KCNQ5: variants seen among roughly 807,000 people sequenced by gnomAD.
The protein encoded by KCNQ5 is potassium voltage-gated channel subfamily KQT member 5.
In KCNQ5, 30 loss-of-function variants were observed where a neutral mutation model predicts 98.2. The observed-to-expected ratio is 0.31, with a 90% CI of 0.23 to 0.41. The LOEUF (loss-of-function observed/expected upper bound fraction) is 0.41, where lower values mean the gene tolerates loss of function less well. Among genes scored for constraint, KCNQ5 ranks in the 10% least tolerant of loss-of-function variants. The pLI is 1.00. For synonymous variants in KCNQ5, 458 were observed against 449.4 expected (o/e 1.02, Z -0.24); for missense variants, 835 against 1,182.5 (o/e 0.71, Z 4.31).
intron 1 of KCNQ5, among the ~76,000 whole-genome samples, chr6:72,633,303 G>A (rs2098922108): frequency 6.6e-6 from 1 of 152,058 alleles, no homozygotes; most frequent in Non-Finnish European, 1.5e-5. Context: ...ATTTGTTTAA[G>A]TTCATAGACT....
At chr6:72,723,852 T>C (rs1369689625) in intron 1 of KCNQ5, among the ~76,000 whole-genome samples, 2 of 152,184 alleles carry the variant, frequency 1.3e-5, no homozygotes, top group African/African-American at 2.4e-5. Flanking sequence ...CTTCATGCTA[T>C]TTTAGTGCAG....
At chr6:72,955,410 C>T (rs1053861055) in intron 1 of KCNQ5, among the ~76,000 whole-genome samples, 6 of 152,144 alleles carry the variant, frequency 3.9e-5, no homozygotes, top group African/African-American at 1.4e-4. Context: ...AACTAGATTA[C>T]TTTGATATAT....
At chr6:72,903,624 T>G (rs1046407435) in intron 1 of KCNQ5, among the ~76,000 whole-genome samples, 2 of 152,182 alleles carry the variant, frequency 1.3e-5, no homozygotes, top group African/African-American at 4.8e-5. Flanking sequence ...TCAATTTCCA[T>G]GTATTTGCAT....
intron 1 of KCNQ5, among the ~76,000 whole-genome samples, chr6:72,737,829 CAGAGG>C (rs1770925699): frequency 6.6e-6 from 1 of 151,884 alleles, no homozygotes; most frequent in South Asian, 2.1e-4. Flanking sequence ...GGTAGAAGGA[CAGAGG>C]AGAGGAAAGG....
chr6:72,731,492 T>A (rs535766692), intron 1 of KCNQ5, among the ~76,000 whole-genome samples: 29 of 152,368 alleles, frequency 1.9e-4, no homozygotes, highest in Non-Finnish European at 3.5e-4. Context: ...TGGGACTAAC[T>A]AACGCATCTG....
At chr6:72,791,964 A>C (rs1774073826) in intron 1 of KCNQ5, among the ~76,000 whole-genome samples, 1 of 152,188 alleles carries the variant, frequency 6.6e-6, no homozygotes, top group Non-Finnish European at 1.5e-5. Context: ...TTTTCAACAC[A>C]TGAACTTTGG....
chr6:72,787,313 A>C (rs899958570), intron 1 of KCNQ5, among the ~76,000 whole-genome samples: 1 of 152,240 alleles, frequency 6.6e-6, no homozygotes, highest in Non-Finnish European at 1.5e-5. Flanking sequence ...AGTATTATCT[A>C]TAACTGCTTT....
chr6:73,083,075 G>T (rs377029857), intron 5 of KCNQ5, among the ~76,000 whole-genome samples: 2 of 151,824 alleles, frequency 1.3e-5, no homozygotes, highest in Non-Finnish European at 1.5e-5. Flanking sequence ...CTAATTTTTT[G>T]AAGAAAAGGG....
At chr6:73,193,464 A>AAAAATAAAAT (rs397976608) in intron 13 of KCNQ5, among the ~76,000 whole-genome samples, 19,177 of 126,538 alleles carry the variant, frequency 0.15, 1,683 homozygotes, top group Middle Eastern at 0.23. Flanking sequence ...TGTCTCTACT[A>AAAAATAAAAT]AAAATAAAAT....
At chr6:73,111,823 C>T (rs1289492662) in intron 7 of KCNQ5, among the ~76,000 whole-genome samples, 1 of 152,100 alleles carries the variant, frequency 6.6e-6, no homozygotes, top group Non-Finnish European at 1.5e-5. Context: ...TAAAGAACAA[C>T]ATATTTGTTT....
At position 73,198,826 on chromosome 6, in the gene KCNQ5, T is replaced by C. The variant is rs191575922; in HGVS notation, c.*3412T>C. 16 of 152,356 alleles carry C rather than the reference T, an allele frequency of 1.1e-4. No homozygotes were observed. The East Asian group carries it at 2.9e-3, about 27-fold the overall frequency. 9.4% of individuals were successfully genotyped at this position (152,356 alleles called of 1,614,324 possible). Reference sequence around the variant, plus strand: ...TTTACTGGGATTATTTGTTTTAAAGTAAAACATTAAAAAGATGTCTATAAA... The same window carrying C: ...TTTACTGGGATTATTTGTTTTAAAGCAAAACATTAAAAAGATGTCTATAAA... On this transcript the variant is annotated 3_prime_UTR_variant, in exon 14 of 14. Coordinates refer to ENST00000370398, the MANE Select transcript of KCNQ5 (RefSeq NM_019842.4).
chr6:72,947,598 T>C (rs1766608000), intron 1 of KCNQ5, among the ~76,000 whole-genome samples: 1 of 152,138 alleles, frequency 6.6e-6, no homozygotes, highest in African/African-American at 2.4e-5. Context: ...TTCTGATAGA[T>C]ATAATTGACT....
chr6:72,927,191 T>G (rs1330639617), intron 1 of KCNQ5, among the ~76,000 whole-genome samples: 2 of 152,202 alleles, frequency 1.3e-5, no homozygotes, highest in African/African-American at 4.8e-5. Flanking sequence ...ACTTAGTGAT[T>G]CTTTATTAGC....
intron 10 of KCNQ5, among the ~76,000 whole-genome samples, chr6:73,164,088 T>G (rs1777708672): frequency 6.6e-6 from 1 of 152,212 alleles, no homozygotes; most frequent in Non-Finnish European, 1.5e-5. Context: ...AGAAATTTGG[T>G]GACGTTTTTG....
At chr6:72,701,270 A>G (rs756877731) in intron 1 of KCNQ5, among the ~76,000 whole-genome samples, 1 of 152,238 alleles carries the variant, frequency 6.6e-6, no homozygotes, top group Non-Finnish European at 1.5e-5. Flanking sequence ...GTAGTTGTGC[A>G]GCAGTTAACT....
chr6:72,712,626 A>G (rs1402510559), intron 1 of KCNQ5, among the ~76,000 whole-genome samples: 1 of 152,142 alleles, frequency 6.6e-6, no homozygotes, highest in Admixed American at 6.6e-5. Context: ...TTAAATTATG[A>G]CCATAATGAC....
rs59899899 is a variant in KCNQ5 at position 72,854,721 on chromosome 6, T to TACACACACACACAC, written c.399-149170_399-149157dup. Among the ~76,000 whole-genome samples the TACACACACACACAC allele has an allele frequency of 6.3e-5, 8 of 126,826 alleles. 1 individual carries two copies. The highest frequency in any genetic ancestry group is 2.4e-4 in the African/African-American group (8 of 33,742). 83.2% of individuals were successfully genotyped at this position (126,826 alleles called of 152,430 possible). A position where few individuals can be genotyped will look rare whatever the true frequency, so the allele number is the denominator to read the frequency against. On this transcript the variant is annotated intron_variant, in intron 1 of 13. Coordinates refer to ENST00000370398, the MANE Select transcript of KCNQ5 (RefSeq NM_019842.4). ...TAGTAACAACCTCTCTCTTTCTTTG[T>TACACACACACACAC]ACACACACACACACACACACACACA...
chr6:72,962,331 C>T (rs1376284307), intron 1 of KCNQ5, among the ~76,000 whole-genome samples: 1 of 149,052 alleles, frequency 6.7e-6, no homozygotes, highest in Non-Finnish European at 1.5e-5. Flanking sequence ...ATAAAATAGA[C>T]ATCAGAGACT....
chr6:72,967,176 CTT>C (rs1237009482), intron 1 of KCNQ5, among the ~76,000 whole-genome samples: 1 of 152,154 alleles, frequency 6.6e-6, no homozygotes, highest in East Asian at 1.9e-4. Flanking sequence ...TGATATGACT[CTT>C]AGGGTTTTAT....
Sources: gnomAD v4.1 joint callset for allele counts (sites outside exome capture counted in the v4.1 genomes callset) on GRCh38, gnomAD v4.1.1 for gene constraint, MANE v1.5 for transcripts, NCBI Gene and HGNC (gene_info 2026-07-23, HGNC 2026-07-21) for gene names.